The following KCNIP4 variants were observed in gnomAD, a reference collection of about 807,000 sequenced individuals.
The protein encoded by KCNIP4 is Kv channel-interacting protein 4.
KCNIP4 carries 12 observed loss-of-function variants against 34.0 expected under a neutral mutation model. That is an observed-to-expected ratio of 0.35 (90% CI 0.23 to 0.57). The LOEUF is 0.57. Among genes scored for constraint, KCNIP4 ranks in the 20% least tolerant of loss-of-function variants. The pLI, the probability that KCNIP4 is intolerant of heterozygous loss-of-function variation, is 0.83. For missense variants in KCNIP4, 238 were observed against 311.7 expected (o/e 0.76, Z 1.78); for synonymous variants, 124 against 102.2 (o/e 1.21, Z -1.29).
chr4:21,681,102 G>T (rs1276134982), intron 1 of KCNIP4, among the ~76,000 whole-genome samples: 1 of 151,662 alleles, frequency 6.6e-6, no homozygotes, highest in Non-Finnish European at 1.5e-5. Context: ...TTGATACAGG[G>T]TCTTACTTTG....
chr4:20,893,571 C>T (rs1296334211), intron 1 of KCNIP4, among the ~76,000 whole-genome samples: 1 of 151,598 alleles, frequency 6.6e-6, no homozygotes, highest in African/African-American at 2.4e-5. Context: ...TATGGGCACA[C>T]ACCACCATGC....
intron 1 of KCNIP4, among the ~76,000 whole-genome samples, chr4:21,920,698 C>T (rs991672561): frequency 9.2e-5 from 14 of 152,096 alleles, no homozygotes; most frequent in African/African-American, 3.1e-4. Flanking sequence ...CATTTTATAT[C>T]AGGGACTTGA....
At chr4:20,957,047 G>T (rs535282590) in intron 1 of KCNIP4, among the ~76,000 whole-genome samples, 88 of 151,686 alleles carry the variant, frequency 5.8e-4, no homozygotes, top group African/African-American at 2.0e-3. Context: ...GAAAAAGAAA[G>T]AATAGAAAAA....
chr4:21,905,017 C>A (rs1202269704), intron 1 of KCNIP4, among the ~76,000 whole-genome samples: 2 of 152,148 alleles, frequency 1.3e-5, no homozygotes, highest in Non-Finnish European at 2.9e-5. Context: ...TTAAGGATTG[C>A]ATTTCTGATT....
chr4:21,800,671 AAAAG>A (rs1720934854), intron 1 of KCNIP4, among the ~76,000 whole-genome samples: 1 of 152,178 alleles, frequency 6.6e-6, no homozygotes, highest in South Asian at 2.1e-4. Context: ...TGATGATCTA[AAAAG>A]AAAGGACTGA....
intron 1 of KCNIP4, among the ~76,000 whole-genome samples, chr4:21,167,276 T>G (rs1352757049): frequency 6.6e-6 from 1 of 152,176 alleles, no homozygotes; most frequent in Non-Finnish European, 1.5e-5. Context: ...CTACTTTGAT[T>G]AGAATTATTT....
At chr4:21,261,014 T>C (rs2109104577) in intron 1 of KCNIP4, among the ~76,000 whole-genome samples, 1 of 152,268 alleles carries the variant, frequency 6.6e-6, no homozygotes, top group Non-Finnish European at 1.5e-5. Context: ...ACATTTATAT[T>C]AAGAGATTTC....
At chr4:21,036,381 A>T (rs1424360329) in intron 1 of KCNIP4, among the ~76,000 whole-genome samples, 1 of 152,200 alleles carries the variant, frequency 6.6e-6, no homozygotes, top group Admixed American at 6.5e-5. Context: ...GAATACGTAG[A>T]TCCAATTTGG....
chr4:21,749,970 G>A (rs531543203), intron 1 of KCNIP4, among the ~76,000 whole-genome samples: 1 of 152,276 alleles, frequency 6.6e-6, no homozygotes, highest in South Asian at 2.1e-4. Context: ...CGTGGTTCCA[G>A]TTACCAGCTG....
intron 1 of KCNIP4, among the ~76,000 whole-genome samples, chr4:20,885,079 A>G (rs1293354753): frequency 6.6e-6 from 1 of 152,080 alleles, no homozygotes; most frequent in Non-Finnish European, 1.5e-5. Context: ...CTTGCCTAAA[A>G]GAAGAAAGAC....
intron 1 of KCNIP4, among the ~76,000 whole-genome samples, chr4:21,173,855 A>G (rs1754197654): frequency 6.6e-6 from 1 of 152,188 alleles, no homozygotes; most frequent in Non-Finnish European, 1.5e-5. Context: ...TTTATTCTGT[A>G]TGTGGTTTCT....
At chr4:21,762,932 A>G in intron 1 of KCNIP4, 2 of 1,288,650 alleles carry the variant, frequency 1.6e-6, no homozygotes, top group Non-Finnish European at 1.0e-6. Flanking sequence ...TGATGATCTG[A>G]CAGGTGCTCC....
intron 1 of KCNIP4, among the ~76,000 whole-genome samples, chr4:20,971,416 G>C (rs896544788): frequency 6.6e-6 from 1 of 152,012 alleles, no homozygotes; most frequent in Non-Finnish European, 1.5e-5. Context: ...ATACCTCAAA[G>C]ATCATGTGGG....
Position 21,047,332 on chromosome 4 carries a change from T to C in KCNIP4, c.62-164623A>G, listed in dbSNP as rs146883251. Among the ~76,000 whole-genome samples, 379 of 152,286 alleles carry C rather than the reference T, an allele frequency of 2.5e-3. 1 individual carries two copies. The highest frequency in any genetic ancestry group is 6.8e-3 in the Middle Eastern group (2 of 294). ...TCCACAGTGCTTACCATATAATGAT[T>C]GGTATAGATAATCTTATGGATGTCA... On this transcript the variant is annotated intron_variant, in intron 1 of 8. Coordinates refer to ENST00000382152, the MANE Select transcript of KCNIP4 (RefSeq NM_025221.6).
intron 1 of KCNIP4, among the ~76,000 whole-genome samples, chr4:21,674,992 C>T (rs1049286683): frequency 1.2e-4 from 19 of 152,166 alleles, no homozygotes; most frequent in Admixed American, 1.2e-3. Context: ...TTTGTCTGCA[C>T]TCCTATGCTT....
chr4:21,805,715 G>A (rs1309402560), intron 1 of KCNIP4, among the ~76,000 whole-genome samples: 3 of 152,034 alleles, frequency 2.0e-5, no homozygotes, highest in Admixed American at 2.0e-4. Flanking sequence ...CCCCTCTATG[G>A]AAGATTTATC....
intron 1 of KCNIP4, among the ~76,000 whole-genome samples, chr4:21,026,123 C>T (rs1246252554): frequency 6.6e-6 from 1 of 152,074 alleles, no homozygotes; most frequent in Non-Finnish European, 1.5e-5. Flanking sequence ...TCTCAGGGTC[C>T]CTTGCCTTCT....
intron 1 of KCNIP4, among the ~76,000 whole-genome samples, chr4:21,693,690 A>T (rs1438327784): frequency 6.6e-6 from 1 of 152,206 alleles, no homozygotes; most frequent in Non-Finnish European, 1.5e-5. Context: ...ACAAATGGAC[A>T]AATGTGCATC....
chr4:21,263,182 C>T (rs927364715), intron 1 of KCNIP4, among the ~76,000 whole-genome samples: 9 of 152,232 alleles, frequency 5.9e-5, no homozygotes, highest in Middle Eastern at 3.4e-3. Flanking sequence ...TGTAATATGC[C>T]GTTCTCCTTT....
Sources: allele counts gnomAD v4.1 joint callset (sites outside exome capture counted in the v4.1 genomes callset), GRCh38; gene constraint gnomAD v4.1.1; transcripts MANE v1.5; gene names NCBI Gene and HGNC (gene_info 2026-07-23, HGNC 2026-07-21).